Variants in SH3RF3 observed in about 807,000 individuals in gnomAD.
SH3RF3 encodes the protein E3 ubiquitin-protein ligase SH3RF3.
In SH3RF3, 29 loss-of-function variants were observed where a neutral mutation model predicts 66.3. The ratio of observed to expected loss-of-function variants is 0.44; its 90% confidence interval spans 0.33 to 0.60. The LOEUF (loss-of-function observed/expected upper bound fraction) is 0.60, where lower values mean the gene tolerates loss of function less well. SH3RF3 is among the 20% of genes least tolerant of loss of function. The probability of loss-of-function intolerance (pLI) is 0.04; values close to 1 mark genes in which losing one functional copy is unlikely to be tolerated. For missense variants in SH3RF3, 1,194 were observed against 1,190.9 expected (o/e 1.00, Z -0.04); for synonymous variants, 583 against 532.0 (o/e 1.10, Z -1.32).
chr2:109,431,984 C>A, intron 5 of SH3RF3, among the ~76,000 whole-genome samples: 1 of 152,188 alleles, frequency 6.6e-6, no homozygotes, highest in East Asian at 1.9e-4. Context: ...AGGTCTCTTC[C>A]ACCTCTGGTT....
At chr2:109,384,630 C>T (rs573193900) in intron 3 of SH3RF3, among the ~76,000 whole-genome samples, 106 of 152,228 alleles carry the variant, frequency 7.0e-4, no homozygotes, top group African/African-American at 2.4e-3. Flanking sequence ...GCCGAGTGCC[C>T]GCGACCTTGT....
chr2:109,420,264 C>G (rs541922596), intron 5 of SH3RF3, among the ~76,000 whole-genome samples: 22 of 152,298 alleles, frequency 1.4e-4, no homozygotes, highest in African/African-American at 5.1e-4. Context: ...CCCTTTTGCT[C>G]TTGTGTTTGG....
At chr2:109,186,784 A>C (rs1043379741) in intron 1 of SH3RF3, among the ~76,000 whole-genome samples, 2 of 152,188 alleles carry the variant, frequency 1.3e-5, no homozygotes, top group African/African-American at 4.8e-5. Flanking sequence ...GCTCCAGTGA[A>C]TATCACTGCC....
chr2:109,243,181 C>T (rs556076284), intron 1 of SH3RF3, among the ~76,000 whole-genome samples: 1 of 152,342 alleles, frequency 6.6e-6, no homozygotes, highest in African/African-American at 2.4e-5. Context: ...CTGAGGAAAG[C>T]TTCTTGAGGT....
intron 1 of SH3RF3, among the ~76,000 whole-genome samples, chr2:109,145,568 G>A (rs1025131841): frequency 1.3e-5 from 2 of 152,184 alleles, no homozygotes; most frequent in Non-Finnish European, 2.9e-5. Flanking sequence ...TAGGCTGTCC[G>A]GGGGGCCTCA....
intron 1 of SH3RF3, among the ~76,000 whole-genome samples, chr2:109,279,531 C>T (rs1465618632): frequency 2.6e-5 from 4 of 152,198 alleles, no homozygotes; most frequent in Non-Finnish European, 5.9e-5. Flanking sequence ...CTCCATCACC[C>T]TTGTCCTACA....
In SH3RF3 at chr2:109,163,559, C is replaced by T. The variant is rs367934510; in HGVS notation, c.573+33446C>T. ...GACTACAGGCGCCCGCCACTACGCC[C>T]GGCTAATTTTTTTGTATTTTTAGTA... is the stretch of plus-strand genomic sequence containing the variant. On this transcript the variant is annotated intron_variant, in intron 1 of 9. Coordinates refer to ENST00000309415, the MANE Select transcript of SH3RF3 (RefSeq NM_001099289.3). 4.4e-3 allele frequency among the ~76,000 whole-genome samples: 658 copies of T among 151,068 alleles called. 2 individuals carry two copies. Among genetic ancestry groups the T allele is most frequent in the African/African-American group, 0.015 (603 of 41,198 alleles).
At chr2:109,418,940 C>T (rs1004777759) in intron 4 of SH3RF3, among the ~76,000 whole-genome samples, 14 of 152,180 alleles carry the variant, frequency 9.2e-5, no homozygotes, top group African/African-American at 1.2e-4. Context: ...CCTCGGCCCC[C>T]CCACTGTCCC....
intron 2 of SH3RF3, among the ~76,000 whole-genome samples, chr2:109,370,275 T>C (rs1683241345): frequency 6.6e-6 from 1 of 151,634 alleles, no homozygotes; most frequent in Admixed American, 6.6e-5. Context: ...AGTCTCACTC[T>C]GTCACCCTGG....
rs527612983 is a variant in SH3RF3, at chr2:109,195,515, C to T, written c.573+65402C>T. On this transcript the variant is annotated intron_variant, in intron 1 of 9. Transcript: ENST00000309415. The stretch of plus-strand genomic sequence containing the variant: ...CTGTAGGCTTTATTTTGGAAACCTA[C>T]GTTCTTTAGAGGCCTGCTTAATTAA... Among the ~76,000 whole-genome samples, 15 of 152,324 alleles carry T rather than the reference C, an allele frequency of 9.8e-5. No homozygotes were observed. The South Asian group carries it at 2.7e-3, about 27-fold the overall frequency.
chr2:109,449,297 C>T lies in SH3RF3; in HGVS notation c.1956C>T (p.His652=). 6.2e-7 allele frequency: 1 copy of T among 1,608,564 alleles called. No homozygotes were observed. Among genetic ancestry groups the T allele is most frequent in the Non-Finnish European group, 8.5e-7 (1 of 1,177,432 alleles). The change falls in exon 8 of 10, where the codon CAC becomes CAT. Residue 652 remains histidine (H), a synonymous_variant. Coordinates refer to ENST00000309415, the MANE Select transcript of SH3RF3 (RefSeq NM_001099289.3). ...CCCACTCGGTGGTGTCCCCGCAGCA[C>T]AGCCACCAGCCCCCGGTGCAGATGT... ...LRPHSVVSPQ[H]SHQPPVQMCP... is the part of the protein sequence containing the mutation.
At chr2:109,388,418 TACTCAGTGAGTGCTGAGTGAGGCTTGG>T (rs1243370149) in intron 3 of SH3RF3, among the ~76,000 whole-genome samples, 1 of 152,214 alleles carries the variant, frequency 6.6e-6, no homozygotes, top group Non-Finnish European at 1.5e-5. Flanking sequence ...CAGCAGCAGG[TACTCAGTGAGTGCTGAGTGAGGCTTGG>T]ACTCATGCAA....
At chr2:109,283,804 T>C (rs1574549535) in intron 1 of SH3RF3, among the ~76,000 whole-genome samples, 1 of 152,216 alleles carries the variant, frequency 6.6e-6, no homozygotes, top group East Asian at 1.9e-4. Flanking sequence ...CTTGTGTTTG[T>C]TCTCTCTGCT....
At chr2:109,361,782 A>G (rs565679843) in intron 2 of SH3RF3, among the ~76,000 whole-genome samples, 3 of 152,274 alleles carry the variant, frequency 2.0e-5, no homozygotes, top group African/African-American at 4.8e-5. Context: ...ATTGAATTAT[A>G]TATTTCTTCT....
At chr2:109,499,320 G>A (rs1360180994) in intron 9 of SH3RF3, among the ~76,000 whole-genome samples, 2 of 152,158 alleles carry the variant, frequency 1.3e-5, no homozygotes, top group Non-Finnish European at 2.9e-5. Context: ...CAGCAAAGTG[G>A]GTGTCTGAGG....
chr2:109,427,785 C>G (rs2104551501), intron 5 of SH3RF3, among the ~76,000 whole-genome samples: 1 of 152,344 alleles, frequency 6.6e-6, no homozygotes, highest in Admixed American at 6.5e-5. Flanking sequence ...TCAGAAGGCC[C>G]CAGGGAGAAC....
At chr2:109,227,821 G>A (rs539722413) in intron 1 of SH3RF3, among the ~76,000 whole-genome samples, 12 of 152,268 alleles carry the variant, frequency 7.9e-5, no homozygotes, top group South Asian at 2.1e-4. Flanking sequence ...CCGAATTCCC[G>A]CTCACTCTGG....
intron 1 of SH3RF3, among the ~76,000 whole-genome samples, chr2:109,324,923 C>T (rs766471603): frequency 1.3e-5 from 2 of 152,218 alleles, no homozygotes; most frequent in Non-Finnish European, 2.9e-5. Flanking sequence ...ACCCTCTCCT[C>T]TTGCCATTCC....
chr2:109,473,975 T>C (rs956038670), intron 8 of SH3RF3, among the ~76,000 whole-genome samples: 5 of 152,168 alleles, frequency 3.3e-5, no homozygotes, highest in African/African-American at 1.2e-4. Flanking sequence ...GACTCTGTCC[T>C]GGAAGGTGCT....
Sources: gnomAD v4.1 joint callset for allele counts (sites outside exome capture counted in the v4.1 genomes callset) on GRCh38, gnomAD v4.1.1 for gene constraint, MANE v1.5 for transcripts, NCBI Gene and HGNC (gene_info 2026-07-23, HGNC 2026-07-21) for gene names.